PCSK6: variants seen among roughly 807,000 people sequenced by gnomAD.
The protein encoded by PCSK6 is paired basic amino acid cleaving enzyme 4.
A neutral mutation model predicts 123.3 loss-of-function variants in PCSK6; 85 were observed. That is an observed-to-expected ratio of 0.69 (90% confidence interval 0.58 to 0.83). PCSK6 has a LOEUF of 0.83. Ranked by LOEUF, PCSK6 falls within the 40% of genes least tolerant of loss-of-function variation. The probability of loss-of-function intolerance (pLI) is 0.00; values close to 1 mark genes in which losing one functional copy is unlikely to be tolerated. For synonymous variants in PCSK6, 508 were observed against 516.0 expected (o/e 0.98, Z 0.21); for missense variants, 1,191 against 1,282.3 (o/e 0.93, Z 1.09).
chr15:101,401,553 C>T (rs1343783436), intron 6 of PCSK6, among the ~76,000 whole-genome samples: 2 of 152,184 alleles, frequency 1.3e-5, no homozygotes, highest in Non-Finnish European at 2.9e-5. Flanking sequence ...GCAGGAGGGA[C>T]GTGGGGCATG....
At chr15:101,323,746 A>AAAG (rs397788640) in intron 17 of PCSK6, among the ~76,000 whole-genome samples, 2 of 148,940 alleles carry the variant, frequency 1.3e-5, no homozygotes, top group African/African-American at 4.9e-5. Context: ...AAAAAAAAAA[A>AAAG]GGGGGTGTCT....
rs775382257 is a variant in PCSK6 at position 101,398,390 on chromosome 15, C to A, written c.996+14G>T. 1 of 1,600,888 alleles carries A rather than the reference C, an allele frequency of 6.2e-7. No individual in the cohort carries two copies. Among genetic ancestry groups the A allele is most frequent in the Non-Finnish European group, 8.5e-7 (1 of 1,170,612 alleles). On this transcript the variant is annotated intron_variant, in intron 7 of 21. Coordinates refer to ENST00000611716, the MANE Select transcript of PCSK6 (RefSeq NM_002570.5). The surrounding 1 kb of genome is among the most constrained non-coding windows in gnomAD (Gnocchi z 4.6). ...TGTCCCAGAGCGCTCCCCTGTAGCC[C>A]TGGTTACTCACACCTTTTTAATGCC...
intron 1 of PCSK6, among the ~76,000 whole-genome samples, chr15:101,472,594 C>T (rs1055011634): frequency 3.9e-5 from 6 of 152,206 alleles, no homozygotes; most frequent in Non-Finnish European, 5.9e-5. Context: ...CGCCTGGTCA[C>T]TGAGACTCCA....
chr15:101,379,713 A>T (rs1259769127), intron 11 of PCSK6, among the ~76,000 whole-genome samples: 1 of 152,172 alleles, frequency 6.6e-6, no homozygotes, highest in East Asian at 1.9e-4. Context: ...AAGACGGGAA[A>T]ATGGCTGTGT....
At chr15:101,448,745 C>T (rs2056956518) in intron 1 of PCSK6, among the ~76,000 whole-genome samples, 1 of 152,198 alleles carries the variant, frequency 6.6e-6, no homozygotes, top group African/African-American at 2.4e-5. Context: ...GAACCTTCTG[C>T]CTCTCGGCAT....
Position 101,307,343 on chromosome 15 carries a change from T to C in PCSK6, c.2700-18A>G. 1 of 1,591,034 alleles carries C rather than the reference T, an allele frequency of 6.3e-7. No homozygotes were observed. Reference sequence around the variant, plus strand: ...CGTCACACCTGTGGGAAGATACCGTTCCTGCTGAAGTCTGGGGAAGAGGCT... The same window carrying C: ...CGTCACACCTGTGGGAAGATACCGTCCCTGCTGAAGTCTGGGGAAGAGGCT... On this transcript the variant is annotated intron_variant, in intron 20 of 21. Transcript: ENST00000611716.
chr15:101,423,662 G>GT (rs1430700156), intron 6 of PCSK6, among the ~76,000 whole-genome samples: 1 of 152,038 alleles, frequency 6.6e-6, no homozygotes, highest in Middle Eastern at 3.4e-3. Flanking sequence ...AGAAAAAAGG[G>GT]TTAAAAAAAT....
chr15:101,398,882 CCTA>C lies in PCSK6; in HGVS notation c.824-309_824-307del, dbSNP rs2042501885. ...CTGTTTTTTATTTTAAAAAACAAGA[CCTA>C]TTATTATTATTATTATTATTTATTA... On this transcript the variant is annotated intron_variant, in intron 6 of 21. Coordinates refer to ENST00000611716, the MANE Select transcript of PCSK6 (RefSeq NM_002570.5). This position sits in a 1 kb window ranked among gnomAD's most constrained non-coding sequence, Gnocchi z 4.6. 6.9e-6 allele frequency among the ~76,000 whole-genome samples: 1 copy of C among 145,610 alleles called. No individual in the cohort carries two copies. Among genetic ancestry groups the C allele is most frequent in the South Asian group, 2.3e-4 (1 of 4,398 alleles).
chr15:101,404,261 A>T (rs1460707133), intron 6 of PCSK6, among the ~76,000 whole-genome samples: 1 of 152,154 alleles, frequency 6.6e-6, no homozygotes, highest in African/African-American at 2.4e-5. Flanking sequence ...CATCTATTGT[A>T]AGTTCCTTTC....
intron 2 of PCSK6, among the ~76,000 whole-genome samples, chr15:101,434,630 G>A (rs2056543461): frequency 6.6e-6 from 1 of 152,208 alleles, no homozygotes. Flanking sequence ...GGTCGCAGGG[G>A]CAGCCCTCTC....
intron 2 of PCSK6, among the ~76,000 whole-genome samples, chr15:101,434,010 C>A (rs2056525116): frequency 6.6e-6 from 1 of 152,184 alleles, no homozygotes; most frequent in Non-Finnish European, 1.5e-5. Context: ...ATCCTCAGCA[C>A]CAAGTCCTAG....
chr15:101,346,786 C>G (rs1253377028), intron 13 of PCSK6: 1 of 1,230,956 alleles, frequency 8.1e-7, no homozygotes, highest in Non-Finnish European at 1.0e-6. Context: ...TGAGGTGAGA[C>G]AAAGGTCATC....
Position 101,469,737 on chromosome 15 carries a change from T to G in PCSK6, c.297+19637A>C, listed in dbSNP as rs118142956. On this transcript the variant is annotated intron_variant, in intron 1 of 21. Transcript: ENST00000611716. ...CAGCTGCTGAATCATGGCTCAGCAG[T>G]TTGTCTCCTAGTTTGGCTTAACTTC... Among the ~76,000 whole-genome samples the G allele has an allele frequency of 8.5e-4, 129 of 152,220 alleles. 3 individuals are homozygous for G. The East Asian group carries it at 0.021, about 25-fold the overall frequency.
At chr15:101,434,285 G>T (rs2056533588) in intron 2 of PCSK6, among the ~76,000 whole-genome samples, 1 of 152,206 alleles carries the variant, frequency 6.6e-6, no homozygotes, top group Non-Finnish European at 1.5e-5. Context: ...GCTGAGCCCT[G>T]TTTGTGCTAA....
intron 1 of PCSK6, among the ~76,000 whole-genome samples, chr15:101,467,084 C>T (rs1376630840): frequency 1.3e-5 from 2 of 151,216 alleles, no homozygotes; most frequent in East Asian, 3.8e-4. Flanking sequence ...CCAGTTTAAT[C>T]AGAAGACACC....
At chr15:101,347,364 A>G in intron 13 of PCSK6, 1 of 1,237,246 alleles carries the variant, frequency 8.1e-7, no homozygotes. Flanking sequence ...GAAAAAAGAC[A>G]TTGTTGAAAG....
intron 2 of PCSK6, among the ~76,000 whole-genome samples, chr15:101,438,667 G>A (rs7167843): frequency 0.4 from 60,966 of 151,970 alleles, 12,378 homozygotes; most frequent in African/African-American, 0.46. Context: ...CAAGCCTGAC[G>A]ATCCAGGTCC....
Position 101,313,360 on chromosome 15 carries a change from G to A in PCSK6, c.2699+16C>T, listed in dbSNP as rs373655462. On this transcript the variant is annotated intron_variant, in intron 20 of 21. Transcript: ENST00000611716. ...TGGACACAGCTGCCTGCCGTTCCCC[G>A]CCAGGAGGACCGTACCTTCGACACA... 330 of 1,612,664 alleles carry A rather than the reference G, an allele frequency of 2.0e-4. No homozygotes were observed. The highest frequency in any genetic ancestry group is 2.6e-4 in the Non-Finnish European group (310 of 1,179,846).
At chr15:101,474,212 A>G (rs1157484692) in intron 1 of PCSK6, among the ~76,000 whole-genome samples, 2 of 152,240 alleles carry the variant, frequency 1.3e-5, no homozygotes, top group Non-Finnish European at 2.9e-5. Context: ...ATCAAGATGT[A>G]TGTTAGACTG....
Sources: allele counts gnomAD v4.1 joint callset (sites outside exome capture counted in the v4.1 genomes callset), GRCh38; gene constraint gnomAD v4.1.1; non-coding constraint Gnocchi (gnomAD v3.1); transcripts MANE v1.5; gene names NCBI Gene and HGNC (gene_info 2026-07-23, HGNC 2026-07-21).